FAT3: variants seen among roughly 807,000 people sequenced by gnomAD.
The protein encoded by FAT3 is FAT atypical cadherin 3, also known as protocadherin Fat 3.
Under a neutral mutation model 310.2 loss-of-function variants are expected in FAT3, and 95 were observed. The ratio of observed to expected loss-of-function variants is 0.31; its 90% CI spans 0.26 to 0.36. The LOEUF is 0.36. Among genes scored for constraint, FAT3 ranks in the 10% least tolerant of loss-of-function variants. FAT3 has a pLI of 1.00. For missense variants in FAT3, 5,408 were observed against 5,715.6 expected, an observed-to-expected ratio of 0.95 and a Z score of 1.74; for synonymous variants, 2,314 against 2,192.9, an observed-to-expected ratio of 1.06 and a Z score of -1.54.
chr11:92,433,178 G>T (rs929510289), intron 2 of FAT3, among the ~76,000 whole-genome samples: 1 of 152,192 alleles, frequency 6.6e-6, no homozygotes, highest in Admixed American at 6.5e-5. Flanking sequence ...GCCCCATGGG[G>T]GTAGGATCCA....
chr11:92,442,083 A>C, intron 2 of FAT3, among the ~76,000 whole-genome samples: 1 of 63,176 alleles, frequency 1.6e-5, no homozygotes, highest in South Asian at 7.2e-4. Flanking sequence ...TATATATTTT[A>C]TATATATATA....
At position 92,352,621 on chromosome 11, in the gene FAT3, G is replaced by A. The variant is rs764076236; in HGVS notation, c.509G>A (p.Ser170Asn). 4 of 1,613,724 alleles carry A rather than the reference G, an allele frequency of 2.5e-6. No individual in the cohort carries two copies. In the East Asian group the frequency reaches 6.7e-5, roughly 27 times the overall value. Residue 170 changes from serine (S) to asparagine (N), a missense_variant, in exon 2 of 28, where the codon AGC (serine) becomes AAC (asparagine). Around this residue, in one of 5 missense-constraint regions of FAT3, gnomAD observed 4,588 missense variants for 4,809.8 expected, o/e 0.95. Transcript: ENST00000525166. ...PTTYSVTIAE[S>N]TPLRTSVAQV... ...ACATACTCTGTTACCATAGCAGAAA[G>A]CACACCTCTAAGGACTAGTGTTGCC... is the stretch of plus-strand genomic sequence containing the variant.
At chr11:92,457,524 T>G (rs1328662287) in intron 2 of FAT3, among the ~76,000 whole-genome samples, 1 of 152,080 alleles carries the variant, frequency 6.6e-6, no homozygotes, top group Non-Finnish European at 1.5e-5. Context: ...CAATGAACAT[T>G]AGTCGATATC....
intron 13 of FAT3, among the ~76,000 whole-genome samples, chr11:92,817,193 T>C (rs1239232662): frequency 6.6e-6 from 1 of 152,022 alleles, no homozygotes; most frequent in Non-Finnish European, 1.5e-5. Context: ...AGGAGTTTGT[T>C]TCAGGGTGAG....
chr11:92,309,092 T>A (rs1372070713), intron 1 of FAT3, among the ~76,000 whole-genome samples: 1 of 152,154 alleles, frequency 6.6e-6, no homozygotes, highest in Non-Finnish European at 1.5e-5. Context: ...TTACTGGTGA[T>A]TTGGCCAGCT....
At chr11:92,661,976 G>C (rs1420885978) in intron 3 of FAT3, among the ~76,000 whole-genome samples, 2 of 152,040 alleles carry the variant, frequency 1.3e-5, no homozygotes, top group Non-Finnish European at 2.9e-5. Context: ...ATGTGGAAAA[G>C]TGACTCTCTT....
Position 92,799,466 on chromosome 11 carries a change from C to G in FAT3, c.6453C>G (p.Asn2151Lys). The G allele has an allele frequency of 6.2e-7, 1 of 1,613,714 alleles. No homozygotes were observed. ...AAGCATTCAACTCTGACTTGTCCAA[C>G]ATTGAGTATGGAGTCACCATCCTAG... The part of the protein sequence containing the change: ...LKEAFNSDLS[N>K]IEYGVTILAK... Residue 2151 changes from asparagine (N) to lysine (K), a missense_variant, in exon 10 of 28, where the codon AAC (asparagine) becomes AAG (lysine). Physicochemically the swap from Asn to Lys is moderately conservative, Grantham distance 94. This residue lies in a region of FAT3 where 4,588 missense variants were observed against 4,809.8 expected (regional missense o/e 0.95). Transcript: ENST00000525166.
chr11:92,339,823 G>A (rs1160075476), intron 1 of FAT3, among the ~76,000 whole-genome samples: 3 of 152,072 alleles, frequency 2.0e-5, no homozygotes, highest in African/African-American at 2.4e-5. Flanking sequence ...AGCCAAACAG[G>A]AAGCCAGGGG....
At chr11:92,532,804 G>A (rs545856483) in intron 3 of FAT3, among the ~76,000 whole-genome samples, 1 of 152,072 alleles carries the variant, frequency 6.6e-6, no homozygotes, top group Non-Finnish European at 1.5e-5. Flanking sequence ...CCTTCTGACG[G>A]ATCAATATGT....
chr11:92,873,706 G>A (rs937169521), intron 22 of FAT3, among the ~76,000 whole-genome samples: 1 of 152,148 alleles, frequency 6.6e-6, no homozygotes, highest in African/African-American at 2.4e-5. Flanking sequence ...TTTTAAGTTG[G>A]TCTGGATGCA....
intron 7 of FAT3, among the ~76,000 whole-genome samples, chr11:92,776,964 CAGGAATGCTTCTCTGAAT>C (rs1473577739): frequency 1.4e-4 from 22 of 152,144 alleles, no homozygotes; most frequent in Admixed American, 1.4e-3. Flanking sequence ...GCAGTGGTGG[CAGGAATGCTTCTCTGAAT>C]TAGTCAGCAC....
At chr11:92,626,095 A>T (rs1193108204) in intron 3 of FAT3, among the ~76,000 whole-genome samples, 1 of 152,174 alleles carries the variant, frequency 6.6e-6, no homozygotes, top group Non-Finnish European at 1.5e-5. Flanking sequence ...TCAGGTTTGG[A>T]ACGTGACCAA....
chr11:92,335,212 TAA>T lies in FAT3; in HGVS notation c.-17-16870_-17-16869del, dbSNP rs5793597. Among the ~76,000 whole-genome samples, 307 of 141,578 alleles carry T rather than the reference TAA, an allele frequency of 2.2e-3. 1 individual carries two copies. Among genetic ancestry groups the T allele is most frequent in the Middle Eastern group, 7.2e-3 (2 of 276 alleles). The allele number at this position is 141,578 out of a possible 152,430, so 92.9% of individuals were successfully genotyped here. On this transcript the variant is annotated intron_variant, in intron 1 of 27. Transcript: ENST00000525166. ...GAGAAACCTAAACACTTGTTTTTGT[TAA>T]AAAAAAAAAAAAAGGAAAAATAATC...
chr11:92,448,248 C>T (rs1230049290), intron 2 of FAT3, among the ~76,000 whole-genome samples: 4 of 152,284 alleles, frequency 2.6e-5, no homozygotes, highest in South Asian at 2.1e-4. Context: ...TCATAATCTA[C>T]GTATCTCAAA....
intron 3 of FAT3, among the ~76,000 whole-genome samples, chr11:92,617,966 G>A (rs1485032178): frequency 6.6e-6 from 1 of 152,210 alleles, no homozygotes; most frequent in African/African-American, 2.4e-5. Context: ...TCCGTTCTCA[G>A]ATCTCAAACT....
intron 3 of FAT3, among the ~76,000 whole-genome samples, chr11:92,601,104 G>A (rs1466804005): frequency 6.6e-6 from 1 of 151,950 alleles, no homozygotes; most frequent in Non-Finnish European, 1.5e-5. Context: ...GCAACAAGAA[G>A]CCAGAAGAAG....
chr11:92,247,888 G>C lies in FAT3; in HGVS notation c.-18+22714G>C, dbSNP rs144290785. 1.8e-3 allele frequency among the ~76,000 whole-genome samples: 279 copies of C among 152,140 alleles called. 1 individual carries two copies. The highest frequency in any genetic ancestry group is 8.9e-3 in the East Asian group (46 of 5,154). On this transcript the variant is annotated intron_variant, in intron 1 of 27. Transcript: ENST00000525166. ...GTAGGCTGACGCTAGAGAATCCCTT[G>C]AGTCCAGGAGTTTGAGGCTGTAGTG... is the stretch of plus-strand genomic sequence containing the variant.
chr11:92,748,688 A>G (rs1277973129), intron 4 of FAT3: 2 of 152,236 alleles, frequency 1.3e-5, no homozygotes, highest in African/African-American at 2.4e-5. Flanking sequence ...GTGGGGAGTG[A>G]CTGGAACACC....
intron 7 of FAT3, 92 bp from the exon 8 acceptor site, chr11:92,789,851 G>A (rs932382387): frequency 1.3e-5 from 17 of 1,339,848 alleles, no homozygotes; most frequent in Admixed American, 7.7e-5. Flanking sequence ...ATCCAAGGAC[G>A]GGGAAGCGGG....
Sources: allele counts gnomAD v4.1 joint callset (sites outside exome capture counted in the v4.1 genomes callset), GRCh38; gene constraint gnomAD v4.1.1; regional missense constraint gnomAD v4.1.1; transcripts MANE v1.5; gene names NCBI Gene and HGNC (gene_info 2026-07-23, HGNC 2026-07-21).